The following MARCHF1 variants were observed in gnomAD, a reference collection of about 807,000 sequenced individuals.
MARCHF1 encodes the protein E3 ubiquitin-protein ligase MARCHF1.
In MARCHF1, 40 loss-of-function variants were observed where a neutral mutation model predicts 54.2. The observed-to-expected ratio is 0.74, with a 90% CI of 0.57 to 0.96. MARCHF1 has a LOEUF of 0.96. Ranked by LOEUF, MARCHF1 falls within the 40% of genes least tolerant of loss-of-function variation. The pLI is 0.00. For missense variants in MARCHF1, 586 were observed against 656.5 expected (o/e 0.89, Z 1.17); for synonymous variants, 236 against 236.3 (o/e 1.00, Z 0.01).
chr4:164,260,582 C>A lies in MARCHF1; in HGVS notation c.-323+123288G>T, dbSNP rs182922450. On this transcript the variant is annotated intron_variant, in intron 1 of 9. Transcript: ENST00000514618. Reference sequence around the variant, plus strand: ...TTGACTAACCAAACATGACACACAGCTGAAGTCAGAAAAACCAGATTGATA... The same window carrying A: ...TTGACTAACCAAACATGACACACAGATGAAGTCAGAAAAACCAGATTGATA... Among the ~76,000 whole-genome samples, 7 of 152,224 alleles carry A rather than the reference C, an allele frequency of 4.6e-5. No homozygotes were observed. In the East Asian group the frequency reaches 1.4e-3, roughly 29 times the overall value.
chr4:164,083,116 T>C (rs1380070733), intron 2 of MARCHF1, among the ~76,000 whole-genome samples: 3 of 152,156 alleles, frequency 2.0e-5, no homozygotes, highest in Non-Finnish European at 4.4e-5. Flanking sequence ...CATGGCATTT[T>C]AGCTACATCC....
chr4:163,633,686 A>G (rs1028158403), intron 5 of MARCHF1, among the ~76,000 whole-genome samples: 7 of 152,266 alleles, frequency 4.6e-5, no homozygotes, highest in African/African-American at 1.7e-4. Context: ...GATATTATCC[A>G]GGAGAACTTC....
intron 2 of MARCHF1, among the ~76,000 whole-genome samples, chr4:164,108,525 C>T (rs1280855762): frequency 6.6e-6 from 1 of 151,930 alleles, no homozygotes; most frequent in African/African-American, 2.4e-5. Flanking sequence ...TTTTAACTAA[C>T]TGGAATCCCA....
intron 5 of MARCHF1, among the ~76,000 whole-genome samples, chr4:163,625,771 T>A (rs1242562376): frequency 6.6e-6 from 1 of 152,212 alleles, no homozygotes; most frequent in Non-Finnish European, 1.5e-5. Flanking sequence ...AAAGTATGAA[T>A]TTCTATTTAG....
At chr4:163,681,953 C>T (rs925469521) in intron 5 of MARCHF1, among the ~76,000 whole-genome samples, 3 of 152,108 alleles carry the variant, frequency 2.0e-5, no homozygotes, top group African/African-American at 7.2e-5. Flanking sequence ...TTTGGAACTT[C>T]CTAGAGACTT....
chr4:163,783,353 A>G (rs1277276358), intron 4 of MARCHF1, among the ~76,000 whole-genome samples: 1 of 152,238 alleles, frequency 6.6e-6, no homozygotes, highest in Non-Finnish European at 1.5e-5. Context: ...GAATGTATTT[A>G]ACATAAGTCA....
At chr4:163,572,073 T>C (rs1212967751) in intron 8 of MARCHF1, among the ~76,000 whole-genome samples, 2 of 152,080 alleles carry the variant, frequency 1.3e-5, no homozygotes, top group Admixed American at 6.6e-5. Context: ...TTCATCCTAC[T>C]TTTTAAATTT....
At chr4:163,867,809 A>G (rs1409016059) in intron 3 of MARCHF1, among the ~76,000 whole-genome samples, 14 of 115,642 alleles carry the variant, frequency 1.2e-4, no homozygotes, top group Non-Finnish European at 2.2e-4. Context: ...ACTTTCATCA[A>G]TTTCCTTTTT....
chr4:163,549,410 C>G (rs1318416044), intron 8 of MARCHF1, among the ~76,000 whole-genome samples: 1 of 152,082 alleles, frequency 6.6e-6, no homozygotes, highest in African/African-American at 2.4e-5. Context: ...CGGCAGCTCC[C>G]TTTCCCGTTT....
chr4:163,955,572 C>T (rs1217835086), intron 3 of MARCHF1, among the ~76,000 whole-genome samples: 1 of 151,998 alleles, frequency 6.6e-6, no homozygotes, highest in Non-Finnish European at 1.5e-5. Flanking sequence ...GTGTGTTTTT[C>T]CTTGATCTGA....
chr4:164,172,166 CTA>C (rs1730543195), intron 1 of MARCHF1, among the ~76,000 whole-genome samples: 1 of 152,154 alleles, frequency 6.6e-6, no homozygotes, highest in Non-Finnish European at 1.5e-5. Flanking sequence ...ATGACATCAT[CTA>C]TGTGACTTCA....
chr4:163,951,655 G>C (rs1044268841), intron 3 of MARCHF1, among the ~76,000 whole-genome samples: 1 of 152,222 alleles, frequency 6.6e-6, no homozygotes, highest in South Asian at 2.1e-4. Context: ...TCAAAGGTAA[G>C]TGCTGTATGT....
intron 1 of MARCHF1, among the ~76,000 whole-genome samples, chr4:164,135,681 A>T (rs757067653): frequency 2.6e-5 from 4 of 152,230 alleles, no homozygotes; most frequent in Non-Finnish European, 5.9e-5. Context: ...TCAAGATGAG[A>T]ATTGGCTGGG....
chr4:163,999,976 G>A (rs1753154927), intron 2 of MARCHF1, among the ~76,000 whole-genome samples: 1 of 151,670 alleles, frequency 6.6e-6, no homozygotes, highest in African/African-American at 2.4e-5. Context: ...ACAGAATGCA[G>A]ATCAAATATG....
chr4:164,192,523 A>T (rs868554850), intron 1 of MARCHF1, among the ~76,000 whole-genome samples: 10 of 152,148 alleles, frequency 6.6e-5, no homozygotes, highest in African/African-American at 1.2e-4. Flanking sequence ...ACAAGTATTA[A>T]CTGAGACTTT....
At chr4:163,616,455 A>G (rs1386340633) in intron 5 of MARCHF1, among the ~76,000 whole-genome samples, 3 of 152,174 alleles carry the variant, frequency 2.0e-5, no homozygotes, top group Non-Finnish European at 4.4e-5. Flanking sequence ...ATTTGAATAG[A>G]CATTTCTCAA....
Position 163,700,845 on chromosome 4 carries a change from G to T in MARCHF1, c.130C>A (p.Arg44=). The change falls in exon 5 of 10, where the codon CGA becomes AGA. Residue 44 remains arginine, a synonymous_variant. Coordinates refer to ENST00000514618, the MANE Select transcript of MARCHF1 (RefSeq NM_001394959.1). The part of the protein sequence containing the change: ...TSTLNEKSPG[R]SASRSSNISK... Reference sequence around the variant, plus strand: ...ATGTTACTTGATCGACTTGCAGATCGCCCTGGGGATTTTTCATTCTGAAAA... The same window carrying T: ...ATGTTACTTGATCGACTTGCAGATCTCCCTGGGGATTTTTCATTCTGAAAA... The T allele has an allele frequency of 2.0e-6, 3 of 1,535,964 alleles. No homozygotes were observed. The highest frequency in any genetic ancestry group is 1.7e-6 in the Non-Finnish European group (2 of 1,146,168).
intron 1 of MARCHF1, among the ~76,000 whole-genome samples, chr4:164,339,059 C>T (rs1286025773): frequency 6.6e-6 from 1 of 152,122 alleles, no homozygotes; most frequent in Admixed American, 6.5e-5. Context: ...AATATTATAG[C>T]ACCTAAATAT....
At chr4:163,710,034 T>G (rs1483514966) in intron 4 of MARCHF1, among the ~76,000 whole-genome samples, 1 of 152,160 alleles carries the variant, frequency 6.6e-6, no homozygotes, top group Admixed American at 6.6e-5. Context: ...ACACTCCAAA[T>G]TTTCTTAAAA....
Sources: allele counts gnomAD v4.1 joint callset (sites outside exome capture counted in the v4.1 genomes callset), GRCh38; gene constraint gnomAD v4.1.1; transcripts MANE v1.5; gene names NCBI Gene and HGNC (gene_info 2026-07-23, HGNC 2026-07-21).